The following SLC7A1 variants were observed in gnomAD, a reference collection of about 807,000 sequenced individuals.
The protein encoded by SLC7A1 is solute carrier family 7 member 1.
A neutral mutation model predicts 53.9 loss-of-function variants in SLC7A1; 10 were observed. That is an observed-to-expected ratio of 0.19 (90% CI 0.11 to 0.31). The LOEUF (loss-of-function observed/expected upper bound fraction) is 0.31, where lower values mean the gene tolerates loss of function less well. Among genes scored for constraint, SLC7A1 ranks in the 10% least tolerant of loss-of-function variants. The pLI is 1.00. For synonymous variants in SLC7A1, 342 were observed against 338.7 expected, an observed-to-expected ratio of 1.01 and a Z score of -0.11; for missense variants, 525 against 827.2, an observed-to-expected ratio of 0.63 and a Z score of 4.48.
chr13:29,586,611 C>A (rs1287653360), intron 1 of SLC7A1: 1 of 152,132 alleles, frequency 6.6e-6, no homozygotes, highest in African/African-American at 2.4e-5. Context: ...AAGACACTCC[C>A]AAATGCTTAC....
chr13:29,518,855 G>A (rs1868481883), intron 9 of SLC7A1, among the ~76,000 whole-genome samples: 1 of 152,064 alleles, frequency 6.6e-6, no homozygotes, highest in Non-Finnish European at 1.5e-5. Context: ...TGAGGCAGGT[G>A]AGAACACCGA....
At chr13:29,587,497 A>C (rs1002037988) in intron 1 of SLC7A1, among the ~76,000 whole-genome samples, 5 of 152,194 alleles carry the variant, frequency 3.3e-5, no homozygotes, top group African/African-American at 9.7e-5. Context: ...GAGGCTCATT[A>C]AAAGGCAAGT....
At chr13:29,541,557 A>T (rs919111969) in intron 2 of SLC7A1, among the ~76,000 whole-genome samples, 1 of 152,218 alleles carries the variant, frequency 6.6e-6, no homozygotes, top group Non-Finnish European at 1.5e-5. Context: ...GATTGATCTT[A>T]ACAAGTTTAG....
Position 29,552,872 on chromosome 13 carries a change from G to GCAC in SLC7A1, c.-15+888_-15+889insGTG, listed in dbSNP as rs1232482754. Among the ~76,000 whole-genome samples the GCAC allele has an allele frequency of 8.6e-4, 131 of 152,218 alleles. 1 individual carries two copies. The highest frequency in any genetic ancestry group is 3.0e-3 in the African/African-American group (123 of 41,530). On this transcript the variant is annotated intron_variant, in intron 2 of 12. Transcript: ENST00000380752. ...TGTGTGTGTTTCTTCAATTCCTCTA[G>GCAC]CGCCGCTGGGTTAGGGTCTCCGACC...
intron 2 of SLC7A1, among the ~76,000 whole-genome samples, chr13:29,539,101 G>A (rs768019160): frequency 5.9e-5 from 9 of 152,160 alleles, no homozygotes; most frequent in African/African-American, 9.7e-5. Flanking sequence ...TAACCTAAGC[G>A]CGCCCAGAAG....
chr13:29,512,864 G>C lies in SLC7A1; in HGVS notation c.*1616C>G, dbSNP rs1005345674. 5 of 152,252 alleles carry C rather than the reference G, an allele frequency of 3.3e-5. No individual in the cohort carries two copies. The highest frequency in any genetic ancestry group is 2.0e-4 in the Admixed American group (3 of 15,288). 9.4% of individuals were successfully genotyped at this position (152,252 alleles called of 1,614,324 possible). A position where few individuals can be genotyped will look rare whatever the true frequency, so the allele number is the denominator to read the frequency against. ...TGCACTTCTCTCCAAGAACCTTCTGGGGGCACAGGGAGGGTACAAGTGCCC... is the reference window on the plus strand; with the variant it reads ...TGCACTTCTCTCCAAGAACCTTCTGCGGGCACAGGGAGGGTACAAGTGCCC... On this transcript the variant is annotated 3_prime_UTR_variant, in exon 13 of 13. Coordinates refer to ENST00000380752, the MANE Select transcript of SLC7A1 (RefSeq NM_003045.5).
intron 4 of SLC7A1, among the ~76,000 whole-genome samples, chr13:29,532,071 C>T (rs1269743632): frequency 6.6e-6 from 1 of 152,142 alleles, no homozygotes; most frequent in Admixed American, 6.5e-5. Flanking sequence ...CTGCTGAGAC[C>T]AGCCTGAGTG....
intron 1 of SLC7A1, among the ~76,000 whole-genome samples, chr13:29,562,217 A>T (rs1488312722): frequency 1.3e-5 from 2 of 152,242 alleles, no homozygotes; most frequent in Non-Finnish European, 2.9e-5. Flanking sequence ...AGGCAAACTC[A>T]TAGAATGGAT....
In SLC7A1 at chr13:29,514,322, T is replaced by G. The variant is rs1593536383; in HGVS notation, c.*158A>C. The stretch of plus-strand genomic sequence containing the variant: ...GGAGAACCGGCTGCAGAGCCGAGGG[T>G]GGGCTGGGGCTGCAGGTCAAGTAAT... On this transcript the variant is annotated 3_prime_UTR_variant, in exon 13 of 13. Coordinates refer to ENST00000380752, the MANE Select transcript of SLC7A1 (RefSeq NM_003045.5). 3.3e-6 allele frequency: 2 copies of G among 606,748 alleles called. No individual in the cohort carries two copies. The highest frequency in any genetic ancestry group is 5.9e-6 in the Non-Finnish European group (2 of 337,952). 37.6% of individuals were successfully genotyped at this position (606,748 alleles called of 1,614,324 possible).
At chr13:29,578,716 CT>C (rs1287055837) in intron 1 of SLC7A1, among the ~76,000 whole-genome samples, 2 of 152,236 alleles carry the variant, frequency 1.3e-5, no homozygotes, top group African/African-American at 4.8e-5. Context: ...TCACTGGGTA[CT>C]CTGAGAGCTC....
At chr13:29,516,110 T>TG in intron 12 of SLC7A1, 28 bp downstream of exon 12, 1 of 1,445,336 alleles carries the variant, frequency 6.9e-7, no homozygotes, top group Non-Finnish European at 9.7e-7. Flanking sequence ...GCCAGGATCT[T>TG]GGACGTGCTG....
At chr13:29,554,279 G>A (rs1405715162) in intron 1 of SLC7A1, among the ~76,000 whole-genome samples, 2 of 152,154 alleles carry the variant, frequency 1.3e-5, no homozygotes, top group Non-Finnish European at 2.9e-5. Context: ...GGCCAGCAGG[G>A]GCAGAAAACC....
In SLC7A1 at chr13:29,574,314, A is replaced by G. The variant is rs548082250; in HGVS notation, c.-114-20454T>C. ...TGGGAGATGCCTTGCAACTTCCAGA[A>G]AGGCCTACAGAGCTCCCCATTCAGA... On this transcript the variant is annotated intron_variant, in intron 1 of 12. Transcript: ENST00000380752. 7.2e-5 allele frequency among the ~76,000 whole-genome samples: 11 copies of G among 152,366 alleles called. 1 individual carries two copies. The South Asian group carries it at 2.3e-3, about 32-fold the overall frequency.
rs138485195 is a variant in SLC7A1, at chr13:29,556,399, A to T, written c.-114-2539T>A. ...ATTTTAATTTTCTTTTTTTTTAGAC[A>T]GGGTCTCACTCTGTCACTCAGGCGA... On this transcript the variant is annotated intron_variant, in intron 1 of 12. Coordinates refer to ENST00000380752, the MANE Select transcript of SLC7A1 (RefSeq NM_003045.5). 2.3e-3 allele frequency among the ~76,000 whole-genome samples: 346 copies of T among 152,148 alleles called. 3 individuals are homozygous for T. Among genetic ancestry groups the T allele is most frequent in the African/African-American group, 7.9e-3 (329 of 41,518 alleles).
chr13:29,537,324 C>G (rs1421034206), intron 2 of SLC7A1, among the ~76,000 whole-genome samples: 1 of 152,210 alleles, frequency 6.6e-6, no homozygotes, highest in East Asian at 1.9e-4. Context: ...CCCCAAAAAC[C>G]CACAGCCCCA....
At chr13:29,517,856 G>T in intron 9 of SLC7A1, 66 bp from the exon 10 acceptor site, 2 of 1,305,340 alleles carry the variant, frequency 1.5e-6, no homozygotes, top group Non-Finnish European at 2.2e-6. Flanking sequence ...ACCAACTCAA[G>T]TTCTCAATAA....
intron 1 of SLC7A1, among the ~76,000 whole-genome samples, chr13:29,578,287 G>A (rs1362718998): frequency 6.7e-6 from 1 of 149,202 alleles, no homozygotes; most frequent in Non-Finnish European, 1.5e-5. Flanking sequence ...CACAACTGAA[G>A]TTTTTTTTTT....
intron 11 of SLC7A1, 60 bp from the exon 12 acceptor site, chr13:29,516,306 A>T (rs1883553203): frequency 6.5e-6 from 7 of 1,081,494 alleles, no homozygotes; most frequent in South Asian, 4.0e-5. Context: ...ATAGTTCAGT[A>T]AAACTGTCTA....
chr13:29,537,593 T>A (rs1268831300), intron 2 of SLC7A1, among the ~76,000 whole-genome samples: 1 of 152,164 alleles, frequency 6.6e-6, no homozygotes, highest in Non-Finnish European at 1.5e-5. Flanking sequence ...GTAACCAATG[T>A]ACCCACCAAA....
Sources: gnomAD v4.1 joint callset for allele counts (sites outside exome capture counted in the v4.1 genomes callset) on GRCh38, gnomAD v4.1.1 for gene constraint, MANE v1.5 for transcripts, NCBI Gene and HGNC (gene_info 2026-07-23, HGNC 2026-07-21) for gene names.